ST3GAL3: variants seen among roughly 807,000 people sequenced by gnomAD.
ST3GAL3 encodes CMP-N-acetylneuraminate-beta-1,4-galactoside alpha-2,3-sialyltransferase.
A neutral mutation model predicts 50.1 loss-of-function variants in ST3GAL3; 21 were observed. That is an observed-to-expected ratio of 0.42 (90% CI 0.30 to 0.60). The LOEUF is 0.60. ST3GAL3 is among the 20% of genes least tolerant of loss of function. The pLI is 0.19. For synonymous variants in ST3GAL3, 183 were observed against 190.0 expected, an observed-to-expected ratio of 0.96 and a Z score of 0.30; for missense variants, 353 against 489.4, an observed-to-expected ratio of 0.72 and a Z score of 2.63.
At chr1:43,744,435 G>A (rs957572207) in intron 2 of ST3GAL3, among the ~76,000 whole-genome samples, 41 of 151,702 alleles carry the variant, frequency 2.7e-4, no homozygotes, top group African/African-American at 9.9e-4. Context: ...GAGACGGGAT[G>A]TCACCATGTT....
chr1:43,758,171 C>A (rs942973756), intron 2 of ST3GAL3, among the ~76,000 whole-genome samples: 3 of 137,296 alleles, frequency 2.2e-5, no homozygotes, highest in Non-Finnish European at 5.0e-5. Context: ...CACCCCCCCC[C>A]CCAAAAAAAA....
chr1:43,905,123 C>G (rs1283785230), intron 9 of ST3GAL3, among the ~76,000 whole-genome samples: 1 of 136,528 alleles, frequency 7.3e-6, no homozygotes, highest in Non-Finnish European at 1.6e-5. Flanking sequence ...TCCTGCCACT[C>G]TTCCTCCTCC....
At chr1:43,799,102 T>A (rs2059031857) in intron 3 of ST3GAL3, among the ~76,000 whole-genome samples, 1 of 152,224 alleles carries the variant, frequency 6.6e-6, no homozygotes, top group Non-Finnish European at 1.5e-5. Context: ...TAAAATTATG[T>A]ATGTACGTTC....
At chr1:43,888,571 A>G (rs576426064) in intron 5 of ST3GAL3, among the ~76,000 whole-genome samples, 3 of 152,274 alleles carry the variant, frequency 2.0e-5, no homozygotes, top group African/African-American at 7.2e-5. Flanking sequence ...AACTTTAAAA[A>G]AAGAGAAGAA....
chr1:43,884,546 C>T (rs2075672707), intron 5 of ST3GAL3, among the ~76,000 whole-genome samples: 1 of 152,218 alleles, frequency 6.6e-6, no homozygotes. Flanking sequence ...GAACACCTAT[C>T]TCCCTACGTT....
chr1:43,833,724 G>A (rs1428913141), intron 4 of ST3GAL3, among the ~76,000 whole-genome samples: 1 of 152,184 alleles, frequency 6.6e-6, no homozygotes, highest in Non-Finnish European at 1.5e-5. Context: ...GGGGAAGGCG[G>A]TAGGAGAATG....
chr1:43,901,471 T>C (rs1274125989), intron 9 of ST3GAL3, among the ~76,000 whole-genome samples: 1 of 152,220 alleles, frequency 6.6e-6, no homozygotes. Context: ...CACATGTTCC[T>C]TCCAAGAACA....
chr1:43,856,471 G>C (rs932236549), intron 5 of ST3GAL3, among the ~76,000 whole-genome samples: 1 of 152,220 alleles, frequency 6.6e-6, no homozygotes, highest in Non-Finnish European at 1.5e-5. Flanking sequence ...ACCTAGAGGG[G>C]AATGCAGATT....
At chr1:43,784,498 G>T (rs1226599786) in intron 2 of ST3GAL3, among the ~76,000 whole-genome samples, 9 of 152,152 alleles carry the variant, frequency 5.9e-5, no homozygotes, top group Admixed American at 5.9e-4. Flanking sequence ...GACAGAGCGA[G>T]ACTCTGTCTC....
rs16831373 is a variant in ST3GAL3 at position 43,889,890 on chromosome 1, A to G, written c.303-4493A>G. Among the ~76,000 whole-genome samples, 544 of 152,354 alleles carry G rather than the reference A, an allele frequency of 3.6e-3. 26 individuals are homozygous for G. The East Asian group carries it at 0.094, about 26-fold the overall frequency. On this transcript the variant is annotated intron_variant, in intron 5 of 11. Transcript: ENST00000347631. ...AATTGGAAATACTAGTTACAAATGAATGATGTATTCTTTTCAGAAAATTAA... is the reference window on the plus strand; with the variant it reads ...AATTGGAAATACTAGTTACAAATGAGTGATGTATTCTTTTCAGAAAATTAA...
At chr1:43,779,832 T>G (rs1407322752) in intron 2 of ST3GAL3, among the ~76,000 whole-genome samples, 1 of 152,252 alleles carries the variant, frequency 6.6e-6, no homozygotes, top group Non-Finnish European at 1.5e-5. Context: ...CTTAGTTTTC[T>G]ATGTATTTGT....
At chr1:43,822,811 C>G (rs933170736) in intron 4 of ST3GAL3, among the ~76,000 whole-genome samples, 3 of 152,094 alleles carry the variant, frequency 2.0e-5, no homozygotes, top group Admixed American at 6.6e-5. Flanking sequence ...TTCTCTTTCC[C>G]CACACTCCAG....
chr1:43,893,208 C>A (rs553205747), intron 5 of ST3GAL3, among the ~76,000 whole-genome samples: 3 of 152,334 alleles, frequency 2.0e-5, no homozygotes, highest in Non-Finnish European at 4.4e-5. Flanking sequence ...GATGAGAAAT[C>A]CATGCTGTGG....
chr1:43,824,230 A>C (rs2062469432), intron 4 of ST3GAL3, among the ~76,000 whole-genome samples: 1 of 152,156 alleles, frequency 6.6e-6, no homozygotes, highest in Admixed American at 6.5e-5. Context: ...GACGGAGTAC[A>C]GTGGTGAGGA....
chr1:43,902,480 CCTT>C (rs973855732), intron 9 of ST3GAL3, among the ~76,000 whole-genome samples: 3 of 152,236 alleles, frequency 2.0e-5, no homozygotes, highest in Non-Finnish European at 1.5e-5. Context: ...GCTGGCCTTA[CCTT>C]CTTCCATCTG....
chr1:43,881,011 C>G (rs927550878), intron 5 of ST3GAL3, among the ~76,000 whole-genome samples: 1 of 145,576 alleles, frequency 6.9e-6, no homozygotes, highest in Non-Finnish European at 1.5e-5. Context: ...ACTCTGAGTT[C>G]TTTTTTTTTT....
At chr1:43,789,877 T>TAAAA (rs11440181) in intron 2 of ST3GAL3, among the ~76,000 whole-genome samples, 1 of 145,820 alleles carries the variant, frequency 6.9e-6, no homozygotes, top group South Asian at 2.2e-4. Flanking sequence ...CTGGCTCTAT[T>TAAAA]AAAAAAAAAA....
At chr1:43,883,157 C>G (rs1394795831) in intron 5 of ST3GAL3, among the ~76,000 whole-genome samples, 1 of 151,854 alleles carries the variant, frequency 6.6e-6, no homozygotes, top group Non-Finnish European at 1.5e-5. Context: ...TTCATAATGA[C>G]AGGGTCTCAG....
At chr1:43,724,036 G>A (rs1395606665) in intron 1 of ST3GAL3, among the ~76,000 whole-genome samples, 1 of 152,126 alleles carries the variant, frequency 6.6e-6, no homozygotes, top group Non-Finnish European at 1.5e-5. Flanking sequence ...GAAAGCCTAA[G>A]ATAGCACCCT....
Sources: gnomAD v4.1 joint callset for allele counts (sites outside exome capture counted in the v4.1 genomes callset) on GRCh38, gnomAD v4.1.1 for gene constraint, MANE v1.5 for transcripts, NCBI Gene and HGNC (gene_info 2026-07-23, HGNC 2026-07-21) for gene names.